The following THADA variants were observed in gnomAD, a reference collection of about 807,000 sequenced individuals.
THADA encodes tRNA (32-2'-O)-methyltransferase regulator THADA.
Under a neutral mutation model 219.8 loss-of-function variants are expected in THADA, and 213 were observed. The ratio of observed to expected loss-of-function variants is 0.97; its 90% CI spans 0.87 to 1.09. The LOEUF (loss-of-function observed/expected upper bound fraction) is 1.09. Among genes scored for constraint, THADA ranks in the 50% least tolerant of loss-of-function variants. The pLI, the probability that THADA is intolerant of heterozygous loss-of-function variation, is 0.00. For missense variants in THADA, 2,956 were observed against 2,311.3 expected (o/e 1.28, Z -5.72); for synonymous variants, 1,018 against 828.9 (o/e 1.23, Z -3.92).
At chr2:43,553,068 C>T (rs1251916229) in intron 17 of THADA, among the ~76,000 whole-genome samples, 1 of 152,218 alleles carries the variant, frequency 6.6e-6, no homozygotes, top group African/African-American at 2.4e-5. Flanking sequence ...TGTATCAATA[C>T]TTCATTCCTT....
chr2:43,387,236 T>C (rs1391822209), intron 29 of THADA, among the ~76,000 whole-genome samples: 1 of 152,180 alleles, frequency 6.6e-6, no homozygotes, highest in Admixed American at 6.5e-5. Flanking sequence ...AAACAGAAAC[T>C]AGAATGTTAT....
intron 15 of THADA, chr2:43,563,738 A>G (rs909483297): frequency 2.0e-5 from 3 of 152,206 alleles, no homozygotes; most frequent in African/African-American, 7.2e-5. Flanking sequence ...TTCCTGGTCT[A>G]GGAAAGGCAG....
intron 22 of THADA, among the ~76,000 whole-genome samples, chr2:43,524,895 G>A (rs1319666992): frequency 6.6e-6 from 1 of 152,138 alleles, no homozygotes. Context: ...TTCAACCACA[G>A]TTATTCAAAA....
intron 36 of THADA, among the ~76,000 whole-genome samples, chr2:43,242,457 A>T (rs1668721082): frequency 6.6e-6 from 1 of 152,174 alleles, no homozygotes; most frequent in African/African-American, 2.4e-5. Context: ...ATCCAGGCTT[A>T]TCTGACTCCA....
intron 29 of THADA, among the ~76,000 whole-genome samples, chr2:43,382,149 T>C (rs1672110764): frequency 6.6e-6 from 1 of 152,070 alleles, no homozygotes; most frequent in African/African-American, 2.4e-5. Context: ...ATACGACATC[T>C]AAATGTAATG....
intron 4 of THADA, among the ~76,000 whole-genome samples, chr2:43,590,473 A>C (rs1204842369): frequency 6.6e-6 from 1 of 151,936 alleles, no homozygotes; most frequent in Non-Finnish European, 1.5e-5. Context: ...TCAGGAGATC[A>C]AGACCATCCT....
intron 31 of THADA, among the ~76,000 whole-genome samples, chr2:43,302,415 G>A (rs748072539): frequency 6.6e-6 from 1 of 151,004 alleles, no homozygotes. Context: ...ATGTGTGACT[G>A]ATTCTTGCAT....
At chr2:43,295,190 C>A (rs570960717) in intron 31 of THADA, among the ~76,000 whole-genome samples, 1 of 152,176 alleles carries the variant, frequency 6.6e-6, no homozygotes, top group Non-Finnish European at 1.5e-5. Context: ...CCAGCCTGGG[C>A]GACAAAGTGA....
rs549896662 is a variant in THADA, at chr2:43,507,575, T to C, written c.3507+1073A>G. On this transcript the variant is annotated intron_variant, in intron 23 of 37. Transcript: ENST00000405975. ...ACTTCAATGATCTCTGTCAACAACC[T>C]CTGCAACTGATGCCCACTGTCACCA... 3.9e-5 allele frequency among the ~76,000 whole-genome samples: 6 copies of C among 152,250 alleles called. No homozygotes were observed. The East Asian group carries it at 1.2e-3, about 29-fold the overall frequency.
chr2:43,576,665 A>AT (rs1298464722), intron 10 of THADA, among the ~76,000 whole-genome samples: 1 of 152,122 alleles, frequency 6.6e-6, no homozygotes, highest in Non-Finnish European at 1.5e-5. Context: ...TTATTTATTT[A>AT]TTTTTTTAAG....
intron 4 of THADA, among the ~76,000 whole-genome samples, chr2:43,590,557 A>G (rs901763614): frequency 2.7e-5 from 4 of 150,140 alleles, no homozygotes. Flanking sequence ...AGGCAGGAGA[A>G]TGGCGTGAAC....
intron 30 of THADA, among the ~76,000 whole-genome samples, chr2:43,341,126 T>G (rs1193338758): frequency 6.6e-6 from 1 of 152,184 alleles, no homozygotes; most frequent in African/African-American, 2.4e-5. Flanking sequence ...GATTAACACT[T>G]GTAAAAGTGT....
chr2:43,578,011 G>A (rs1700035222), intron 9 of THADA, among the ~76,000 whole-genome samples: 1 of 151,908 alleles, frequency 6.6e-6, no homozygotes, highest in Non-Finnish European at 1.5e-5. Context: ...TGGACTTACA[G>A]GTGACTGTTA....
intron 28 of THADA, among the ~76,000 whole-genome samples, chr2:43,411,168 C>A (rs1676249619): frequency 6.6e-6 from 1 of 152,306 alleles, no homozygotes; most frequent in Middle Eastern, 3.4e-3. Flanking sequence ...TCTAGACAGG[C>A]TCAGAGAAGT....
chr2:43,427,283 C>A (rs1678578162), intron 28 of THADA, among the ~76,000 whole-genome samples: 1 of 152,172 alleles, frequency 6.6e-6, no homozygotes, highest in Non-Finnish European at 1.5e-5. Context: ...TAGCCAGGCT[C>A]AACACAGGAA....
Position 43,320,298 on chromosome 2 carries a change from G to A in THADA, c.4438+148C>T, listed in dbSNP as rs142235735. 5 of 489,884 alleles carry A rather than the reference G, an allele frequency of 1.0e-5. No homozygotes were observed. In the East Asian group the frequency reaches 1.3e-4, roughly 13 times the overall value. 30.3% of individuals were successfully genotyped at this position (489,884 alleles called of 1,614,324 possible). A position where few individuals can be genotyped will look rare whatever the true frequency, so the allele number is the denominator to read the frequency against. Reference sequence around the variant, plus strand: ...AGTTTCCCTGACAAACTTCTATGAGGGAACTATATGACACTGTTTAATTTT... The same window carrying A: ...AGTTTCCCTGACAAACTTCTATGAGAGAACTATATGACACTGTTTAATTTT... On this transcript the variant is annotated intron_variant, in intron 31 of 37. Coordinates refer to ENST00000405975, the MANE Select transcript of THADA (RefSeq NM_022065.5).
intron 36 of THADA, among the ~76,000 whole-genome samples, chr2:43,246,228 C>T (rs1669129758): frequency 1.3e-5 from 2 of 152,208 alleles, no homozygotes; most frequent in Admixed American, 6.5e-5. Context: ...GACGTGGTGG[C>T]TCACGCCTGT....
At chr2:43,263,441 A>G (rs1347647551) in intron 36 of THADA, among the ~76,000 whole-genome samples, 1 of 152,204 alleles carries the variant, frequency 6.6e-6, no homozygotes, top group African/African-American at 2.4e-5. Context: ...GAACCCCGTG[A>G]GAAGAAAAAT....
At chr2:43,488,926 A>C (rs1405694628) in intron 25 of THADA, among the ~76,000 whole-genome samples, 1 of 152,164 alleles carries the variant, frequency 6.6e-6, no homozygotes, top group African/African-American at 2.4e-5. Flanking sequence ...AATGGTGTTA[A>C]GTATCCTTTT....
Sources: gnomAD v4.1 joint callset for allele counts (sites outside exome capture counted in the v4.1 genomes callset) on GRCh38, gnomAD v4.1.1 for gene constraint, MANE v1.5 for transcripts, NCBI Gene and HGNC (gene_info 2026-07-23, HGNC 2026-07-21) for gene names.